KIAA0586: variants seen among roughly 807,000 people sequenced by gnomAD.
KIAA0586 encodes KIAA0586.
Under a neutral mutation model 169.8 loss-of-function variants are expected in KIAA0586, and 144 were observed. The ratio of observed to expected loss-of-function variants is 0.85; its 90% CI spans 0.74 to 0.97. The LOEUF (loss-of-function observed/expected upper bound fraction) is 0.97, where lower values mean the gene tolerates loss of function less well. Ranked by LOEUF, KIAA0586 falls within the 50% of genes least tolerant of loss-of-function variation. The pLI is 0.00. For missense variants in KIAA0586, 1,854 were observed against 1,823.0 expected (o/e 1.02, Z -0.31); for synonymous variants, 625 against 612.4 (o/e 1.02, Z -0.30).
At chr14:58,514,948 T>G (rs1192833629) in intron 29 of KIAA0586, among the ~76,000 whole-genome samples, 7 of 152,116 alleles carry the variant, frequency 4.6e-5, no homozygotes, top group Non-Finnish European at 1.0e-4. Flanking sequence ...AAGAGGCTAG[T>G]TTTAAGTCAA....
At chr14:58,506,097 T>C (rs1191005723) in intron 27 of KIAA0586, among the ~76,000 whole-genome samples, 1 of 152,170 alleles carries the variant, frequency 6.6e-6, no homozygotes, top group Non-Finnish European at 1.5e-5. Context: ...GCATATACCA[T>C]ATATCAGCAA....
At chr14:58,504,448 T>C (rs2043793150) in intron 27 of KIAA0586, among the ~76,000 whole-genome samples, 1 of 152,148 alleles carries the variant, frequency 6.6e-6, no homozygotes, top group African/African-American at 2.4e-5. Context: ...GAATGGGGTT[T>C]ATACATACTG....
chr14:58,528,329 G>A (rs959039412), intron 29 of KIAA0586, among the ~76,000 whole-genome samples: 1 of 152,140 alleles, frequency 6.6e-6, no homozygotes, highest in East Asian at 1.9e-4. Context: ...ATCAGGACTT[G>A]AACTCAGCTG....
Position 58,457,764 on chromosome 14 carries a change from A to G in KIAA0586, c.1368A>G (p.Lys456=). The G allele has an allele frequency of 6.3e-7, 1 of 1,579,846 alleles. No homozygotes were observed. Among genetic ancestry groups the G allele is most frequent in the Non-Finnish European group, 8.6e-7 (1 of 1,165,498 alleles). The change falls in exon 11 of 31, where the codon AAA becomes AAG. Residue 456 remains lysine, a synonymous_variant. Coordinates refer to ENST00000652326, the MANE Select transcript of KIAA0586 (RefSeq NM_001329943.3). ...EKETNSMVQP[K]ESLSMLKLPD... is the part of the protein sequence containing the mutation. ...TGGTCTTTTTTTCTTTTAAGCCAAA[A>G]GAATCTCTGAGTATGTTGAAGCTTC...
chr14:58,488,345 T>C (rs776664660), intron 23 of KIAA0586, among the ~76,000 whole-genome samples: 92 of 152,266 alleles, frequency 6.0e-4, no homozygotes, highest in Middle Eastern at 6.8e-3. Flanking sequence ...ATATTGTTAA[T>C]AAAATAGAAA....
At chr14:58,448,636 A>ATT (rs11381841) in intron 7 of KIAA0586, 143 bp downstream of exon 7, 45 of 463,078 alleles carry the variant, frequency 9.7e-5, no homozygotes, top group Non-Finnish European at 1.4e-4. Flanking sequence ...TTATAAAACA[A>ATT]TTTTTTTAAA....
At chr14:58,537,825 T>A (rs1266357675) in intron 29 of KIAA0586, among the ~76,000 whole-genome samples, 3 of 152,068 alleles carry the variant, frequency 2.0e-5, no homozygotes, top group Non-Finnish European at 4.4e-5. Context: ...TTTTTTGTAT[T>A]TTTAGTAGAG....
downstream of KIAA0586, among the ~76,000 whole-genome samples, chr14:58,552,373 G>A (rs180822253): frequency 6.6e-6 from 1 of 152,176 alleles, no homozygotes; most frequent in Non-Finnish European, 1.5e-5. Context: ...TTCTTGTCCT[G>A]AAGTGTTTAC....
chr14:58,445,425 T>C (rs889617354), intron 6 of KIAA0586, among the ~76,000 whole-genome samples: 1 of 151,916 alleles, frequency 6.6e-6, no homozygotes, highest in Non-Finnish European at 1.5e-5. Flanking sequence ...GAATTTCTTT[T>C]TCTTTCTTTT....
intron 27 of KIAA0586, among the ~76,000 whole-genome samples, chr14:58,502,925 G>A (rs779300802): frequency 6.2e-4 from 94 of 152,228 alleles, no homozygotes; most frequent in African/African-American, 2.0e-3. Flanking sequence ...TGCTTACAGA[G>A]GGTCATCTCT....
intron 4 of KIAA0586, among the ~76,000 whole-genome samples, chr14:58,437,581 C>T (rs568597287): frequency 6.6e-6 from 1 of 151,688 alleles, no homozygotes; most frequent in East Asian, 1.9e-4. Context: ...GTGGCATGTG[C>T]TTGTACTCCT....
rs1326550924 is a variant in KIAA0586, at chr14:58,466,049, G to A, written c.2254+20G>A. ...TTTTAGGTAAGAATCAACAAAATAT[G>A]TGGGATGGATTTTATTTTATTTATT... On this transcript the variant is annotated intron_variant, in intron 15 of 30. Transcript: ENST00000652326. 3 of 1,484,598 alleles carry A rather than the reference G, an allele frequency of 2.0e-6. No individual in the cohort carries two copies. The highest frequency in any genetic ancestry group is 2.8e-6 in the Non-Finnish European group (3 of 1,077,962). The allele number at this position is 1,484,598 out of a possible 1,614,324, so 92.0% of individuals were successfully genotyped here.
At position 58,448,474 on chromosome 14, in the gene KIAA0586, C is replaced by T. The variant is rs748910482; in HGVS notation, c.942C>T (p.Asn314=). 5.6e-6 allele frequency: 9 copies of T among 1,605,882 alleles called. No individual in the cohort carries two copies. In the African/African-American group the frequency reaches 1.1e-4, roughly 19 times the overall value. The part of the protein sequence containing the change: ...NLGSCNPSLY[N]TFASKQAPLK... ...GTAGCTGTAATCCATCTTTATATAACACATTTGCTTCCAAACAAGGTAAAA... is the reference window on the plus strand; with the variant it reads ...GTAGCTGTAATCCATCTTTATATAATACATTTGCTTCCAAACAAGGTAAAA... The change falls in exon 7 of 31, where the codon AAC becomes AAT. Residue 314 remains asparagine (N), a synonymous_variant. Transcript: ENST00000652326.
intron 28 of KIAA0586, among the ~76,000 whole-genome samples, chr14:58,510,872 A>C (rs2044338439): frequency 6.6e-6 from 1 of 152,148 alleles, no homozygotes; most frequent in African/African-American, 2.4e-5. Context: ...TACCAAAAAA[A>C]AAAAACACTG....
chr14:58,521,097 T>C, intron 29 of KIAA0586: 1 of 444,380 alleles, frequency 2.3e-6, no homozygotes, highest in South Asian at 2.4e-5. Flanking sequence ...AGCAGTTGGC[T>C]TCTCCACATA....
intron 4 of KIAA0586, among the ~76,000 whole-genome samples, chr14:58,435,260 T>TAATTTATTTCTTTA (rs2037729504): frequency 6.6e-6 from 1 of 152,262 alleles, no homozygotes; most frequent in African/African-American, 2.4e-5. Context: ...TTATATCATT[T>TAATTTATTTCTTTA]GATCAAATAA....
At chr14:58,554,504 A>G (rs2047232919), downstream of KIAA0586, among the ~76,000 whole-genome samples, 1 of 152,182 alleles carries the variant, frequency 6.6e-6, no homozygotes, top group Non-Finnish European at 1.5e-5. Flanking sequence ...GTGACAAAAA[A>G]TAGTTCTTGG....
chr14:58,462,246 C>CT (rs10597707), intron 14 of KIAA0586, among the ~76,000 whole-genome samples: 50 of 89,446 alleles, frequency 5.6e-4, no homozygotes, highest in Middle Eastern at 6.3e-3. Context: ...TGTAGTTTTG[C>CT]TTTTTTTTTT....
At chr14:58,496,417 C>T (rs1488806361) in intron 26 of KIAA0586, among the ~76,000 whole-genome samples, 2 of 152,180 alleles carry the variant, frequency 1.3e-5, no homozygotes. Context: ...TTACTGTAGA[C>T]TGTCAGAGTA....
Sources: gnomAD v4.1 joint callset for allele counts (sites outside exome capture counted in the v4.1 genomes callset) on GRCh38, gnomAD v4.1.1 for gene constraint, MANE v1.5 for transcripts, NCBI Gene and HGNC (gene_info 2026-07-23, HGNC 2026-07-21) for gene names.